The following ARID4B variants were observed in gnomAD, a reference collection of about 807,000 sequenced individuals.
ARID4B encodes AT-rich interactive domain-containing protein 4B.
ARID4B carries 26 observed loss-of-function variants against 147.5 expected under a neutral mutation model. The observed-to-expected ratio is 0.18, with a 90% confidence interval of 0.13 to 0.24. The LOEUF is 0.24. ARID4B is among the 10% of genes least tolerant of loss of function. The pLI, the probability that ARID4B is intolerant of heterozygous loss-of-function variation, is 1.00. For synonymous variants in ARID4B, 512 were observed against 507.9 expected (o/e 1.01, Z -0.11); for missense variants, 1,179 against 1,511.5 (o/e 0.78, Z 3.65).
intron 9 of ARID4B, among the ~76,000 whole-genome samples, chr1:235,231,404 A>G (rs1009973151): frequency 6.6e-6 from 1 of 152,238 alleles, no homozygotes; most frequent in Non-Finnish European, 1.5e-5. Context: ...GGATCCTACC[A>G]TAAGAGCTAT....
chr1:235,271,745 T>C (rs1360363977), intron 2 of ARID4B, among the ~76,000 whole-genome samples: 1 of 152,062 alleles, frequency 6.6e-6, no homozygotes, highest in Non-Finnish European at 1.5e-5. Context: ...GGTAAGGAGT[T>C]TGAGACCAGC....
chr1:235,296,416 C>T (rs1278311046), intron 2 of ARID4B: 1 of 152,070 alleles, frequency 6.6e-6, no homozygotes, highest in Non-Finnish European at 1.5e-5. Context: ...ATAAGTTAAA[C>T]AAAACCTCTG....
intron 2 of ARID4B, among the ~76,000 whole-genome samples, chr1:235,275,941 A>T (rs1671286417): frequency 6.6e-6 from 1 of 152,162 alleles, no homozygotes; most frequent in Non-Finnish European, 1.5e-5. Context: ...GTTCAAGACC[A>T]GCCGGGACAA....
intron 19 of ARID4B, chr1:235,190,000 A>T (rs935808053): frequency 6.5e-6 from 1 of 154,422 alleles, no homozygotes; most frequent in Non-Finnish European, 1.5e-5. Flanking sequence ...AGAATGAAAG[A>T]GTCTAGCAAG....
At chr1:235,173,764 AAAAAAAAATATATAT>A (rs1663580939) in intron 22 of ARID4B, among the ~76,000 whole-genome samples, 5 of 50,876 alleles carry the variant, frequency 9.8e-5, no homozygotes, top group African/African-American at 3.4e-4. Context: ...AAAAAAAAAA[AAAAAAAAATATATAT>A]ATATATATAT....
At chr1:235,310,918 A>G (rs776326302) in intron 2 of ARID4B, among the ~76,000 whole-genome samples, 1 of 152,088 alleles carries the variant, frequency 6.6e-6, no homozygotes, top group African/African-American at 2.4e-5. Flanking sequence ...TAATCCACCC[A>G]TATCAGCCTA....
intron 2 of ARID4B, among the ~76,000 whole-genome samples, chr1:235,289,247 T>C (rs776641502): frequency 4.6e-5 from 7 of 152,192 alleles, no homozygotes; most frequent in Non-Finnish European, 7.3e-5. Context: ...AACTCAAAGT[T>C]TGGGAGCTAT....
At chr1:235,201,306 A>G (rs530642616) in intron 17 of ARID4B, among the ~76,000 whole-genome samples, 1 of 152,142 alleles carries the variant, frequency 6.6e-6, no homozygotes, top group Admixed American at 6.5e-5. Context: ...CCGAAAGTAC[A>G]TTCTTAAGGA....
intron 3 of ARID4B, among the ~76,000 whole-genome samples, chr1:235,257,514 A>G (rs753558546): frequency 1.0e-4 from 15 of 149,974 alleles, no homozygotes; most frequent in Non-Finnish European, 1.8e-4. Context: ...ACACAGTCTC[A>G]CTCTGTCGCC....
chr1:235,279,070 G>A (rs141310185), intron 2 of ARID4B, among the ~76,000 whole-genome samples: 21 of 152,060 alleles, frequency 1.4e-4, no homozygotes, highest in Middle Eastern at 3.4e-3. Context: ...TGCATACAGC[G>A]CCAAGCCAAC....
intron 2 of ARID4B, among the ~76,000 whole-genome samples, chr1:235,305,247 G>A (rs554430856): frequency 6.6e-6 from 1 of 152,272 alleles, no homozygotes; most frequent in South Asian, 2.1e-4. Flanking sequence ...ACAGCCTCTA[G>A]AAGCTGGAAA....
At position 235,261,285 on chromosome 1, in the gene ARID4B, C is replaced by T. The variant is rs543686201; in HGVS notation, c.7-533G>A. Among the ~76,000 whole-genome samples, 11 of 152,168 alleles carry T rather than the reference C, an allele frequency of 7.2e-5. No homozygotes were observed. The South Asian group carries it at 2.3e-3, about 32-fold the overall frequency. ...CTATAATCCCAGAACTTTGGAAGGC[C>T]AAGGCTGGAGGATCACTTGAGCCCA... On this transcript the variant is annotated intron_variant, in intron 2 of 23. Coordinates refer to ENST00000264183, the MANE Select transcript of ARID4B (RefSeq NM_016374.6).
chr1:235,289,876 C>A (rs961780877), intron 2 of ARID4B, among the ~76,000 whole-genome samples: 3 of 151,834 alleles, frequency 2.0e-5, no homozygotes, highest in Non-Finnish European at 4.4e-5. Flanking sequence ...TAAATAAAAA[C>A]AATTCAAAAC....
At chr1:235,230,281 G>A (rs1051847670) in intron 10 of ARID4B, among the ~76,000 whole-genome samples, 4 of 151,956 alleles carry the variant, frequency 2.6e-5, no homozygotes, top group Middle Eastern at 6.8e-3. Flanking sequence ...GGGCATAGTG[G>A]TGGGCCCCTA....
intron 17 of ARID4B, among the ~76,000 whole-genome samples, chr1:235,199,992 C>T (rs1326062085): frequency 4.6e-5 from 6 of 130,016 alleles, no homozygotes; most frequent in Non-Finnish European, 9.7e-5. Context: ...AGGATATTTT[C>T]AAAGAATAGG....
Position 235,167,987 on chromosome 1 carries a change from T to G in ARID4B, c.*538A>C, listed in dbSNP as rs1341994320. The stretch of plus-strand genomic sequence containing the variant: ...ATCTTTAATATTTGGTTACCAGGAT[T>G]GATGTCTAATATCCTGTTAACTGCA... On this transcript the variant is annotated 3_prime_UTR_variant, in exon 24 of 24. Coordinates refer to ENST00000264183, the MANE Select transcript of ARID4B (RefSeq NM_016374.6). 1 of 196,692 alleles carries G rather than the reference T, an allele frequency of 5.1e-6. No individual in the cohort carries two copies. Among genetic ancestry groups the G allele is most frequent in the Non-Finnish European group, 1.1e-5 (1 of 94,560 alleles). 12.2% of individuals were successfully genotyped at this position (196,692 alleles called of 1,614,324 possible). A position where few individuals can be genotyped will look rare whatever the true frequency, so the allele number is the denominator to read the frequency against.
chr1:235,234,768 A>G (rs1429093616), intron 8 of ARID4B, among the ~76,000 whole-genome samples: 1 of 152,198 alleles, frequency 6.6e-6, no homozygotes, highest in Non-Finnish European at 1.5e-5. Context: ...CTGTGGACGA[A>G]GTTCTAGTCA....
At chr1:235,172,801 A>T (rs200355467) in intron 22 of ARID4B, 37 bp from the exon 23 acceptor site, 76 of 1,465,590 alleles carry the variant, frequency 5.2e-5, no homozygotes, top group Non-Finnish European at 6.9e-5. Context: ...GACATTTTTA[A>T]AGAAAATTTT....
At chr1:235,248,542 C>T (rs1405033297) in intron 6 of ARID4B, among the ~76,000 whole-genome samples, 3 of 151,822 alleles carry the variant, frequency 2.0e-5, no homozygotes, top group Admixed American at 6.6e-5. Context: ...CTCTCCCCAC[C>T]GAAAATTAAG....
Sources: gnomAD v4.1 joint callset for allele counts (sites outside exome capture counted in the v4.1 genomes callset) on GRCh38, gnomAD v4.1.1 for gene constraint, MANE v1.5 for transcripts, NCBI Gene and HGNC (gene_info 2026-07-23, HGNC 2026-07-21) for gene names.